ABCC4: variants seen among roughly 807,000 people sequenced by gnomAD.
The protein encoded by ABCC4 is ATP binding cassette subfamily C member 4 (PEL blood group), also known as ATP-binding cassette sub-family C member 4.
Under a neutral mutation model 168.5 loss-of-function variants are expected in ABCC4, and 102 were observed. That is an observed-to-expected ratio of 0.61 (90% CI 0.52 to 0.71). The LOEUF is 0.71. Among genes scored for constraint, ABCC4 ranks in the 30% least tolerant of loss-of-function variants. The pLI is 0.00. For missense variants in ABCC4, 1,402 were observed against 1,605.8 expected (o/e 0.87, Z 2.17); for synonymous variants, 617 against 590.7 (o/e 1.04, Z -0.65).
chr13:95,218,710 G>A (rs372389424), intron 4 of ABCC4, among the ~76,000 whole-genome samples: 21 of 151,822 alleles, frequency 1.4e-4, no homozygotes, highest in Admixed American at 5.3e-4. Context: ...AATTAACCAG[G>A]CATGGTGGCA....
chr13:95,126,814 A>G (rs2035793597), intron 19 of ABCC4, among the ~76,000 whole-genome samples: 1 of 141,622 alleles, frequency 7.1e-6, no homozygotes, highest in Non-Finnish European at 1.5e-5. Context: ...ATTTAAGTAC[A>G]CCATATATAT....
At chr13:95,212,698 A>T (rs1026738870) in intron 4 of ABCC4, among the ~76,000 whole-genome samples, 13 of 152,142 alleles carry the variant, frequency 8.5e-5, no homozygotes, top group Admixed American at 8.5e-4. Context: ...CTGGGCAGAT[A>T]CTCGGGTTGT....
chr13:95,098,187 A>T (rs184665586), intron 20 of ABCC4, among the ~76,000 whole-genome samples: 1 of 152,118 alleles, frequency 6.6e-6, no homozygotes, highest in Admixed American at 6.5e-5. Context: ...GTAGATAATG[A>T]AAACACAACA....
At chr13:95,235,318 A>G (rs1247035173) in intron 3 of ABCC4, among the ~76,000 whole-genome samples, 1 of 152,214 alleles carries the variant, frequency 6.6e-6, no homozygotes, top group African/African-American at 2.4e-5. Context: ...TCAAAATTCT[A>G]ATTTCAAAGT....
intron 1 of ABCC4, among the ~76,000 whole-genome samples, chr13:95,258,018 A>AT (rs1352559160): frequency 6.6e-6 from 1 of 152,156 alleles, no homozygotes; most frequent in Non-Finnish European, 1.5e-5. Context: ...GAGCGCCAAC[A>AT]TGCCTTTCCA....
chr13:95,239,995 T>C (rs2039885027), intron 3 of ABCC4, among the ~76,000 whole-genome samples: 1 of 152,082 alleles, frequency 6.6e-6, no homozygotes, highest in Non-Finnish European at 1.5e-5. Flanking sequence ...CTAAGCGAGG[T>C]ATCTCGAAGT....
At chr13:95,129,423 T>C (rs2035886349) in intron 19 of ABCC4, among the ~76,000 whole-genome samples, 3 of 152,212 alleles carry the variant, frequency 2.0e-5, no homozygotes, top group African/African-American at 4.8e-5. Context: ...CTTTGTGTAT[T>C]ATTTTTTCAG....
intron 19 of ABCC4, among the ~76,000 whole-genome samples, chr13:95,157,224 T>C (rs1299906521): frequency 1.3e-5 from 2 of 151,924 alleles, no homozygotes; most frequent in African/African-American, 2.4e-5. Flanking sequence ...AGACAGAGCA[T>C]GGTTGCCCCT....
intron 1 of ABCC4, among the ~76,000 whole-genome samples, chr13:95,273,841 G>A (rs534455078): frequency 3.6e-5 from 5 of 138,230 alleles, no homozygotes; most frequent in South Asian, 2.3e-4. Flanking sequence ...TTTTTGAGAC[G>A]GAGTCTTGCT....
At position 95,116,000 on chromosome 13, in the gene ABCC4, T is replaced by A. The variant is rs1281109486; in HGVS notation, c.2457A>T (p.Gly819=). ...PVLFFDRNPI[G]RILNRFSKDI... is the part of the protein sequence containing the mutation. ...CTTTGGAGAAACGATTTAAAATTCT[T>A]CCTGCAAGAACAGGATATGAAAAAT... The change falls in exon 20 of 31, where the codon GGA becomes GGT. Residue 819 remains glycine (G), a splice_region_variant and synonymous_variant. Coordinates refer to ENST00000645237, the MANE Select transcript of ABCC4 (RefSeq NM_005845.5). The A allele has an allele frequency of 6.2e-7, 1 of 1,610,834 alleles. No homozygotes were observed. Among genetic ancestry groups the A allele is most frequent in the Non-Finnish European group, 8.5e-7 (1 of 1,178,746 alleles).
At chr13:95,066,981 G>T (rs185925653) in intron 25 of ABCC4, among the ~76,000 whole-genome samples, 1 of 152,320 alleles carries the variant, frequency 6.6e-6, no homozygotes, top group African/African-American at 2.4e-5. Context: ...CTGTATTAGG[G>T]TGGATTACAG....
At chr13:95,160,454 A>T (rs1346475694) in intron 19 of ABCC4, among the ~76,000 whole-genome samples, 2 of 152,212 alleles carry the variant, frequency 1.3e-5, no homozygotes, top group Non-Finnish European at 2.9e-5. Flanking sequence ...AGGACAGATA[A>T]GAAGCGCATA....
chr13:95,295,597 G>C (rs1457494652), intron 1 of ABCC4, among the ~76,000 whole-genome samples: 1 of 151,950 alleles, frequency 6.6e-6, no homozygotes, highest in East Asian at 1.9e-4. Context: ...GGCAGAGATT[G>C]TAGTGACCCA....
At chr13:95,030,625 G>A (rs1033002864) in intron 30 of ABCC4, among the ~76,000 whole-genome samples, 2 of 152,098 alleles carry the variant, frequency 1.3e-5, no homozygotes, top group East Asian at 3.9e-4. Context: ...AGGTGATCAG[G>A]ACACAGACAT....
At chr13:95,225,153 TCACACACACACACACA>T (rs61398515) in intron 4 of ABCC4, among the ~76,000 whole-genome samples, 16 of 35,226 alleles carry the variant, frequency 4.5e-4, no homozygotes, top group Admixed American at 8.5e-4. Flanking sequence ...TCTCTCTCTC[TCACACACACACACACA>T]CACACACACA....
At chr13:95,237,822 C>T (rs7337077) in intron 3 of ABCC4, among the ~76,000 whole-genome samples, 4,419 of 152,046 alleles carry the variant, frequency 0.029, 194 homozygotes, top group African/African-American at 0.096. Flanking sequence ...AAACAAGCTA[C>T]CAAAGAAGAT....
At chr13:95,097,444 A>G (rs1287774761) in intron 20 of ABCC4, among the ~76,000 whole-genome samples, 1 of 152,116 alleles carries the variant, frequency 6.6e-6, no homozygotes, top group Non-Finnish European at 1.5e-5. Context: ...AGAGAGAGAG[A>G]GAGATACCAA....
intron 3 of ABCC4, among the ~76,000 whole-genome samples, chr13:95,246,384 G>C (rs1446458222): frequency 1.3e-5 from 2 of 152,184 alleles, no homozygotes; most frequent in African/African-American, 4.8e-5. Context: ...TAGCTCTTGG[G>C]TGCTTCAGCC....
Position 95,177,704 on chromosome 13 carries a change from C to T in ABCC4, c.1727+3G>A. 6.2e-7 allele frequency: 1 copy of T among 1,606,672 alleles called. No individual in the cohort carries two copies. Among genetic ancestry groups the T allele is most frequent in the South Asian group, 1.1e-5 (1 of 90,388 alleles). On this transcript the variant is annotated splice_donor_region_variant and intron_variant, in intron 13 of 30. Coordinates refer to ENST00000645237, the MANE Select transcript of ABCC4 (RefSeq NM_005845.5). The stretch of plus-strand genomic sequence containing the variant: ...AAATGACTTAAGACACAAACACACT[C>T]ACAGTTCGAACAAGTGTCTGCTAAC...
Sources: gnomAD v4.1 joint callset for allele counts (sites outside exome capture counted in the v4.1 genomes callset) on GRCh38, gnomAD v4.1.1 for gene constraint, MANE v1.5 for transcripts, NCBI Gene and HGNC (gene_info 2026-07-23, HGNC 2026-07-21) for gene names.